The following CTNNA3 variants were observed in gnomAD, a reference collection of about 807,000 sequenced individuals.
CTNNA3 encodes the protein catenin alpha-3.
A neutral mutation model predicts 95.7 loss-of-function variants in CTNNA3; 76 were observed. The observed-to-expected ratio is 0.79, with a 90% CI of 0.66 to 0.96. CTNNA3 has a LOEUF of 0.96. Ranked by LOEUF, CTNNA3 falls within the 40% of genes least tolerant of loss-of-function variation. The pLI is 0.00. For synonymous variants in CTNNA3, 431 were observed against 374.4 expected, an observed-to-expected ratio of 1.15 and a Z score of -1.74; for missense variants, 1,191 against 1,089.8, an observed-to-expected ratio of 1.09 and a Z score of -1.31.
At chr10:66,001,317 A>G (rs1431998093) in intron 15 of CTNNA3, among the ~76,000 whole-genome samples, 1 of 152,092 alleles carries the variant, frequency 6.6e-6, no homozygotes, top group East Asian at 1.9e-4. Flanking sequence ...AAACTCAGCC[A>G]TTCCATGTGC....
chr10:67,752,138 CTT>C (rs2131749188), intron 1 of CTNNA3, among the ~76,000 whole-genome samples: 1 of 152,304 alleles, frequency 6.6e-6, no homozygotes, highest in South Asian at 2.1e-4. Context: ...ATCAAGTCAG[CTT>C]TATCCCTGGA....
intron 12 of CTNNA3, among the ~76,000 whole-genome samples, chr10:66,373,914 G>A (rs1185235517): frequency 6.6e-6 from 1 of 152,220 alleles, no homozygotes; most frequent in Non-Finnish European, 1.5e-5. Flanking sequence ...AAGTGGCTAA[G>A]ATCTAACTCT....
intron 16 of CTNNA3, among the ~76,000 whole-genome samples, chr10:65,971,143 C>A (rs576846651): frequency 3.3e-5 from 5 of 151,876 alleles, no homozygotes; most frequent in East Asian, 3.9e-4. Flanking sequence ...ATATAAAAAT[C>A]TCTAGGATGT....
intron 7 of CTNNA3, among the ~76,000 whole-genome samples, chr10:67,075,766 T>C (rs1856716981): frequency 6.6e-6 from 1 of 152,192 alleles, no homozygotes; most frequent in Non-Finnish European, 1.5e-5. Context: ...CCTTGGCAAA[T>C]GAGGCTAAAA....
chr10:66,900,863 A>G (rs543776322), intron 7 of CTNNA3, among the ~76,000 whole-genome samples: 112 of 152,354 alleles, frequency 7.4e-4, no homozygotes, highest in Non-Finnish European at 1.4e-3. Flanking sequence ...AGTCTCCAAG[A>G]AATATGGGAC....
In CTNNA3 at chr10:67,740,627, T is replaced by A. The variant is rs945660869; in HGVS notation, c.-2+22807A>T. 1.5e-4 allele frequency among the ~76,000 whole-genome samples: 22 copies of A among 151,326 alleles called. 2 individuals are homozygous for A. The highest frequency in any genetic ancestry group is 1.1e-3 in the Admixed American group (17 of 15,130). ...CAATGAGATATCATCTCACACCAGT[T>A]AGAATGGCAGTCATTAAAAAGTCAG... On this transcript the variant is annotated intron_variant, in intron 1 of 17. Transcript: ENST00000684154.
intron 14 of CTNNA3, among the ~76,000 whole-genome samples, chr10:66,070,609 T>C (rs540763186): frequency 1.3e-5 from 2 of 152,240 alleles, no homozygotes; most frequent in East Asian, 3.9e-4. Flanking sequence ...ACTGTTCTCA[T>C]AATAAAGCTA....
intron 7 of CTNNA3, among the ~76,000 whole-genome samples, chr10:67,141,974 A>G (rs1429096250): frequency 6.6e-6 from 1 of 152,176 alleles, no homozygotes; most frequent in Non-Finnish European, 1.5e-5. Flanking sequence ...AAATGATAAG[A>G]GGCTGGTAAT....
At chr10:67,342,325 A>G (rs1255332017) in intron 5 of CTNNA3, among the ~76,000 whole-genome samples, 3 of 151,958 alleles carry the variant, frequency 2.0e-5, no homozygotes, top group Admixed American at 6.5e-5. Flanking sequence ...GATGGTCTCA[A>G]TCTCCTGACC....
intron 14 of CTNNA3, among the ~76,000 whole-genome samples, chr10:66,093,746 G>A (rs2081292859): frequency 6.6e-6 from 1 of 152,008 alleles, no homozygotes; most frequent in Non-Finnish European, 1.5e-5. Context: ...TCTGGCACAA[G>A]GAGTTACAAC....
At chr10:66,678,124 C>A (rs763747454) in intron 9 of CTNNA3, among the ~76,000 whole-genome samples, 2 of 152,084 alleles carry the variant, frequency 1.3e-5, no homozygotes, top group African/African-American at 4.8e-5. Context: ...ACAATGACAA[C>A]AAAATATGCT....
At chr10:65,960,483 C>T (rs1266517800) in intron 17 of CTNNA3, among the ~76,000 whole-genome samples, 2 of 151,972 alleles carry the variant, frequency 1.3e-5, no homozygotes, top group Admixed American at 6.6e-5. Context: ...CGAGATCACG[C>T]CACTGCACTC....
At chr10:67,102,382 T>C (rs916294004) in intron 7 of CTNNA3, among the ~76,000 whole-genome samples, 14 of 151,746 alleles carry the variant, frequency 9.2e-5, no homozygotes. Context: ...TGATGAGTCT[T>C]TTTTGAAGGT....
At chr10:67,336,526 C>A (rs1842001914) in intron 5 of CTNNA3, among the ~76,000 whole-genome samples, 1 of 152,132 alleles carries the variant, frequency 6.6e-6, no homozygotes, top group Non-Finnish European at 1.5e-5. Context: ...AGGAGATTAG[C>A]CCAGATAATT....
At chr10:66,354,281 T>C (rs1352893804) in intron 12 of CTNNA3, among the ~76,000 whole-genome samples, 1 of 142,288 alleles carries the variant, frequency 7.0e-6, no homozygotes, top group African/African-American at 2.7e-5. Flanking sequence ...TGAGACTCCA[T>C]CTCAAAAATA....
chr10:66,210,328 C>T (rs1226398484), intron 13 of CTNNA3, among the ~76,000 whole-genome samples: 1 of 150,476 alleles, frequency 6.6e-6, no homozygotes, highest in Non-Finnish European at 1.5e-5. Flanking sequence ...AACGAGATAA[C>T]AAAAGCATCT....
chr10:67,313,717 A>C (rs1362846406), intron 5 of CTNNA3, among the ~76,000 whole-genome samples: 1 of 152,210 alleles, frequency 6.6e-6, no homozygotes, highest in African/African-American at 2.4e-5. Context: ...CCAAGATAGT[A>C]GCAACAAATA....
chr10:67,713,829 A>G (rs559430065), intron 1 of CTNNA3, among the ~76,000 whole-genome samples: 65 of 152,156 alleles, frequency 4.3e-4, no homozygotes, highest in Non-Finnish European at 8.4e-4. Flanking sequence ...ACAAATACCT[A>G]ACGCATGAGG....
intron 15 of CTNNA3, among the ~76,000 whole-genome samples, chr10:66,020,143 A>T (rs1027523789): frequency 2.0e-5 from 3 of 152,236 alleles, no homozygotes; most frequent in African/African-American, 7.2e-5. Flanking sequence ...AATGGCAAAT[A>T]ACAGCAAAAC....
Sources: gnomAD v4.1 joint callset for allele counts (sites outside exome capture counted in the v4.1 genomes callset) on GRCh38, gnomAD v4.1.1 for gene constraint, MANE v1.5 for transcripts, NCBI Gene and HGNC (gene_info 2026-07-23, HGNC 2026-07-21) for gene names.